The following KDM6A variants were observed in gnomAD, a reference collection of about 807,000 sequenced individuals.
The protein encoded by KDM6A is lysine-specific demethylase 6A.
Under a neutral mutation model 117.6 loss-of-function variants are expected in KDM6A, and 11 were observed. That is an observed-to-expected ratio of 0.09 (90% confidence interval 0.06 to 0.15). The LOEUF (loss-of-function observed/expected upper bound fraction) is 0.15. Ranked by LOEUF, KDM6A falls within the 10% of genes least tolerant of loss-of-function variation. The probability of loss-of-function intolerance (pLI) is 1.00; values close to 1 mark genes in which losing one functional copy is unlikely to be tolerated. For synonymous variants in KDM6A, 384 were observed against 396.1 expected, an observed-to-expected ratio of 0.97 and a Z score of 0.36; for missense variants, 799 against 1,077.3, an observed-to-expected ratio of 0.74 and a Z score of 3.62.
chrX:45,053,277 C>A (rs747730126), intron 9 of KDM6A, among the ~76,000 whole-genome samples: 2 of 109,608 alleles, frequency 1.8e-5, no homozygotes, highest in African/African-American at 6.6e-5. Context: ...ACTAAAAATA[C>A]AAAAATTAGC....
intron 19 of KDM6A, 42 bp downstream of exon 19, chrX:45,076,868 A>C (rs753770008): frequency 3.6e-5 from 40 of 1,112,543 alleles, no homozygotes; most frequent in Non-Finnish European, 4.9e-5. Flanking sequence ...CAGTGTTTGC[A>C]ACTACCTGTC....
intron 2 of KDM6A, among the ~76,000 whole-genome samples, chrX:44,902,257 G>A (rs971610967): frequency 3.6e-5 from 4 of 111,366 alleles, no homozygotes; most frequent in Non-Finnish European, 5.7e-5. Flanking sequence ...TCATTCTGTC[G>A]ATCTTTGTCT....
At chrX:45,098,872 T>G (rs978587739) in intron 27 of KDM6A, among the ~76,000 whole-genome samples, 3 of 111,961 alleles carry the variant, frequency 2.7e-5, no homozygotes, top group African/African-American at 9.7e-5. Context: ...ATATCTAGTC[T>G]CCTTTAAAAT....
intron 28 of KDM6A, among the ~76,000 whole-genome samples, chrX:45,109,149 TAAA>T (rs1176672662): frequency 6.3e-5 from 6 of 95,277 alleles, no homozygotes; most frequent in Non-Finnish European, 1.1e-4. Context: ...AATAAATAAA[TAAA>T]TAAATAAATA....
chrX:44,910,073 G>T (rs747304142), intron 2 of KDM6A, among the ~76,000 whole-genome samples: 1 of 112,278 alleles, frequency 8.9e-6, no homozygotes, highest in African/African-American at 3.2e-5. Context: ...AAATCTTCAG[G>T]AGGTCATATT....
At chrX:44,893,699 CG>C (rs1469985076) in intron 2 of KDM6A, among the ~76,000 whole-genome samples, 20 of 109,281 alleles carry the variant, frequency 1.8e-4, no homozygotes, top group Non-Finnish European at 3.6e-4. Flanking sequence ...TTAGTAGAGA[CG>C]GGGTTTCACT....
chrX:45,030,272 A>G (rs934430097), intron 6 of KDM6A, among the ~76,000 whole-genome samples: 2 of 106,241 alleles, frequency 1.9e-5, no homozygotes, highest in Non-Finnish European at 3.9e-5. Context: ...CATCTTCAGT[A>G]TACAGTGCGT....
chrX:44,964,972 T>C (rs182855874), intron 3 of KDM6A, among the ~76,000 whole-genome samples: 85 of 112,660 alleles, frequency 7.5e-4, no homozygotes, highest in African/African-American at 2.5e-3. Flanking sequence ...TAGCTACCTT[T>C]ATCAGTGATC....
At chrX:44,982,288 A>G (rs757733472) in intron 4 of KDM6A, among the ~76,000 whole-genome samples, 14 of 111,488 alleles carry the variant, frequency 1.3e-4, no homozygotes, top group Admixed American at 3.8e-4. Context: ...TTGATTGATT[A>G]AAGTATTTGT....
intron 2 of KDM6A, among the ~76,000 whole-genome samples, chrX:44,941,512 G>A (rs374436992): frequency 5.1e-5 from 5 of 98,451 alleles, no homozygotes; most frequent in East Asian, 6.3e-4. Flanking sequence ...ATAGAGTCTC[G>A]CTGTGTTGCC....
intron 27 of KDM6A, among the ~76,000 whole-genome samples, chrX:45,104,081 A>G (rs1401662117): frequency 9.4e-6 from 1 of 106,369 alleles, no homozygotes; most frequent in Non-Finnish European, 1.9e-5. Flanking sequence ...CTGGAGTGCA[A>G]TGGTGCGATC....
intron 14 of KDM6A, 101 bp downstream of exon 14, chrX:45,060,865 G>C (rs1448257086): frequency 2.0e-5 from 10 of 505,543 alleles, no homozygotes; most frequent in Non-Finnish European, 2.9e-5. Flanking sequence ...TTTTAAATTT[G>C]TGGACATCAA....
chrX:44,874,387 C>T (rs980711302), intron 2 of KDM6A, among the ~76,000 whole-genome samples: 3 of 111,539 alleles, frequency 2.7e-5, no homozygotes, highest in African/African-American at 6.5e-5. Context: ...AATTCTTTTC[C>T]TTCAAGCAGG....
At chrX:45,097,219 G>A (rs1033891499) in intron 27 of KDM6A, among the ~76,000 whole-genome samples, 2 of 110,543 alleles carry the variant, frequency 1.8e-5, no homozygotes, top group South Asian at 7.8e-4. Flanking sequence ...AGTATGGAGG[G>A]TGGGAGGAGA....
chrX:45,103,667 A>G (rs1407923812), intron 27 of KDM6A, among the ~76,000 whole-genome samples: 1 of 112,287 alleles, frequency 8.9e-6, no homozygotes, highest in African/African-American at 3.2e-5. Context: ...CTAAAATTCT[A>G]TCGCTCTTTA....
chrX:45,071,870 A>G (rs2044862900), intron 18 of KDM6A, among the ~76,000 whole-genome samples: 1 of 110,637 alleles, frequency 9.0e-6, no homozygotes, highest in African/African-American at 3.3e-5. Flanking sequence ...CCCAGGTTCA[A>G]GCGATTCTCC....
At chrX:45,057,272 C>A (rs1394125198) in intron 10 of KDM6A, among the ~76,000 whole-genome samples, 1 of 111,679 alleles carries the variant, frequency 9.0e-6, no homozygotes, top group Non-Finnish European at 1.9e-5. Context: ...ATATTTCAAA[C>A]CATGTTCACC....
intron 10 of KDM6A, among the ~76,000 whole-genome samples, chrX:45,058,084 C>G (rs1263636825): frequency 2.5e-5 from 2 of 79,384 alleles, no homozygotes; most frequent in East Asian, 4.9e-4. Flanking sequence ...CTCCCCCCCC[C>G]CCCTTTTTTT....
At chrX:45,055,838 A>T (rs1410361042) in intron 10 of KDM6A, among the ~76,000 whole-genome samples, 2 of 111,641 alleles carry the variant, frequency 1.8e-5, no homozygotes, top group African/African-American at 6.5e-5. Flanking sequence ...CTGACCTAAG[A>T]TAGTTTAATA....
Sources: gnomAD v4.1 joint callset for allele counts (sites outside exome capture counted in the v4.1 genomes callset) on GRCh38, gnomAD v4.1.1 for gene constraint, MANE v1.5 for transcripts, NCBI Gene and HGNC (gene_info 2026-07-23, HGNC 2026-07-21) for gene names.